The following ERC2 variants were observed in gnomAD, a reference collection of about 807,000 sequenced individuals.
The protein encoded by ERC2 is ERC protein 2.
In ERC2, 42 loss-of-function variants were observed where a neutral mutation model predicts 114.8. The ratio of observed to expected loss-of-function variants is 0.37; its 90% confidence interval spans 0.29 to 0.47. The LOEUF (loss-of-function observed/expected upper bound fraction) is 0.47. ERC2 is among the 20% of genes least tolerant of loss of function. The pLI, the probability that ERC2 is intolerant of heterozygous loss-of-function variation, is 0.99. For synonymous variants in ERC2, 454 were observed against 425.5 expected (o/e 1.07, Z -0.82); for missense variants, 939 against 1,150.7 (o/e 0.82, Z 2.66).
intron 7 of ERC2, among the ~76,000 whole-genome samples, chr3:56,053,579 A>C (rs1472001009): frequency 6.6e-6 from 1 of 152,196 alleles, no homozygotes; most frequent in Non-Finnish European, 1.5e-5. Context: ...ACTGGAAGCC[A>C]GAAAACTTGA....
chr3:55,929,589 G>A (rs536604339), intron 13 of ERC2, among the ~76,000 whole-genome samples: 2 of 152,284 alleles, frequency 1.3e-5, no homozygotes, highest in African/African-American at 4.8e-5. Context: ...ATAGGCAAAT[G>A]GATAATAAAA....
intron 1 of ERC2, among the ~76,000 whole-genome samples, chr3:56,448,626 T>A (rs2062690944): frequency 6.6e-6 from 1 of 152,134 alleles, no homozygotes; most frequent in Non-Finnish European, 1.5e-5. Flanking sequence ...ACAGGCTTTC[T>A]CTGTAAAAGG....
intron 2 of ERC2, among the ~76,000 whole-genome samples, chr3:56,413,127 A>C (rs2061006747): frequency 6.6e-6 from 1 of 152,176 alleles, no homozygotes; most frequent in Non-Finnish European, 1.5e-5. Context: ...GGACAGGGTC[A>C]CTGTAGTGCA....
chr3:55,583,343 C>G (rs1215888053), intron 17 of ERC2, among the ~76,000 whole-genome samples: 1 of 143,686 alleles, frequency 7.0e-6, no homozygotes, highest in Admixed American at 6.8e-5. Context: ...GCCTGCCTGT[C>G]TGCCTGCCTG....
Position 56,116,170 on chromosome 3 carries a change from T to C in ERC2, c.1473+23339A>G, listed in dbSNP as rs545587030. Among the ~76,000 whole-genome samples, 15 of 152,356 alleles carry C rather than the reference T, an allele frequency of 9.8e-5. No individual in the cohort carries two copies. In the East Asian group the frequency reaches 2.9e-3, roughly 29 times the overall value. ...TATCTTGCCAGTGGCAGTTGTCTCC[T>C]GATCTGTTGACCTCACCATATCTGA... On this transcript the variant is annotated intron_variant, in intron 6 of 17. Transcript: ENST00000288221.
intron 6 of ERC2, among the ~76,000 whole-genome samples, chr3:56,090,697 C>A (rs1203091396): frequency 6.8e-6 from 1 of 146,972 alleles, no homozygotes; most frequent in Non-Finnish European, 1.5e-5. Flanking sequence ...GGGTTTGTTA[C>A]GTAATGGTGA....
chr3:56,384,986 G>T (rs896541868), intron 2 of ERC2, among the ~76,000 whole-genome samples: 1 of 152,000 alleles, frequency 6.6e-6, no homozygotes, highest in Non-Finnish European at 1.5e-5. Context: ...AAAATTACTG[G>T]ATCATATATG....
intron 2 of ERC2, among the ~76,000 whole-genome samples, chr3:56,414,981 A>T (rs1324958193): frequency 6.6e-6 from 1 of 152,250 alleles, no homozygotes; most frequent in African/African-American, 2.4e-5. Context: ...GTAAGCAGCA[A>T]TGCTTAGCTC....
chr3:56,299,767 C>T (rs958895509), intron 2 of ERC2, among the ~76,000 whole-genome samples: 2 of 152,100 alleles, frequency 1.3e-5, no homozygotes, highest in African/African-American at 4.8e-5. Context: ...AATCTTTGTC[C>T]TTTGAAGGTG....
intron 3 of ERC2, among the ~76,000 whole-genome samples, chr3:56,194,688 G>A (rs909240308): frequency 2.0e-5 from 3 of 152,192 alleles, no homozygotes; most frequent in Middle Eastern, 3.4e-3. Context: ...GTGCTACAGC[G>A]TTACAACAGC....
chr3:56,173,588 G>A, intron 3 of ERC2, 68 bp from the exon 4 acceptor site: 2 of 1,461,272 alleles, frequency 1.4e-6, no homozygotes, highest in Non-Finnish European at 1.9e-6. Context: ...CCTTTACACA[G>A]GTACTACACA....
At chr3:56,199,309 G>A (rs1006320268) in intron 3 of ERC2, among the ~76,000 whole-genome samples, 1 of 152,074 alleles carries the variant, frequency 6.6e-6, no homozygotes, top group Non-Finnish European at 1.5e-5. Flanking sequence ...AACCCAGTGG[G>A]GAATGGTAAG....
chr3:56,114,443 T>C (rs2149838002), intron 6 of ERC2, among the ~76,000 whole-genome samples: 1 of 152,304 alleles, frequency 6.6e-6, no homozygotes, highest in South Asian at 2.1e-4. Flanking sequence ...AAGGCAGTTA[T>C]CTAGGGAGTG....
intron 6 of ERC2, among the ~76,000 whole-genome samples, chr3:56,138,836 C>G (rs1220920045): frequency 1.3e-5 from 2 of 152,128 alleles, no homozygotes. Flanking sequence ...AAGATGTAAT[C>G]CAAGGAGGAA....
At chr3:55,553,011 A>ATTTTTTTTTGTTTTTTTTTTTTTT (rs2055328069) in intron 17 of ERC2, among the ~76,000 whole-genome samples, 1 of 55,202 alleles carries the variant, frequency 1.8e-5, no homozygotes. Context: ...GGGCTTCCAG[A>ATTTTTTTTTGTTTTTTTTTTTTTT]TTTTTTTTTT....
rs76438544 is a variant in ERC2 at position 55,787,014 on chromosome 3, A to G, written c.2565-52096T>C. Among the ~76,000 whole-genome samples, 794 of 152,350 alleles carry G rather than the reference A, an allele frequency of 5.2e-3. 5 individuals are homozygous for G. The highest frequency in any genetic ancestry group is 0.018 in the African/African-American group (754 of 41,582). On this transcript the variant is annotated intron_variant, in intron 14 of 17. Coordinates refer to ENST00000288221, the MANE Select transcript of ERC2 (RefSeq NM_015576.3). ...CTGCATTATGAACTGTGGGACAGAT[A>G]GGACCTAGTTTTAATACCAGCTTTC...
chr3:55,755,345 G>A (rs1259704060), intron 14 of ERC2, among the ~76,000 whole-genome samples: 1 of 152,148 alleles, frequency 6.6e-6, no homozygotes, highest in Non-Finnish European at 1.5e-5. Flanking sequence ...TGCAGGGGAT[G>A]AGGTTAATAA....
intron 14 of ERC2, among the ~76,000 whole-genome samples, chr3:55,840,010 C>T (rs1018941729): frequency 6.6e-6 from 1 of 151,842 alleles, no homozygotes; most frequent in Admixed American, 6.6e-5. Context: ...AATATACTAA[C>T]ACTAATTAAT....
At chr3:55,756,792 C>G (rs1204976868) in intron 14 of ERC2, among the ~76,000 whole-genome samples, 2 of 152,128 alleles carry the variant, frequency 1.3e-5, no homozygotes, top group African/African-American at 4.8e-5. Flanking sequence ...TCTTTCTCGC[C>G]TACCACCCCA....
Sources: allele counts gnomAD v4.1 joint callset (sites outside exome capture counted in the v4.1 genomes callset), GRCh38; gene constraint gnomAD v4.1.1; transcripts MANE v1.5; gene names NCBI Gene and HGNC (gene_info 2026-07-23, HGNC 2026-07-21).